The following MAP2K5 variants were observed in gnomAD, a reference collection of about 807,000 sequenced individuals.
MAP2K5 encodes mitogen-activated protein kinase kinase 5.
In MAP2K5, 49 loss-of-function variants were observed where a neutral mutation model predicts 83.1. The observed-to-expected ratio is 0.59, with a 90% CI of 0.47 to 0.75. The LOEUF (loss-of-function observed/expected upper bound fraction) is 0.75, where lower values mean the gene tolerates loss of function less well. Ranked by LOEUF, MAP2K5 falls within the 30% of genes least tolerant of loss-of-function variation. The pLI, the probability that MAP2K5 is intolerant of heterozygous loss-of-function variation, is 0.00. For missense variants in MAP2K5, 457 were observed against 557.5 expected, an observed-to-expected ratio of 0.82 and a Z score of 1.82; for synonymous variants, 202 against 191.8, an observed-to-expected ratio of 1.05 and a Z score of -0.44.
intron 8 of MAP2K5, chr15:67,628,387 G>A (rs982528374): frequency 1.2e-4 from 63 of 535,330 alleles, no homozygotes; most frequent in Admixed American, 1.6e-4. Flanking sequence ...GGCTGAGGCA[G>A]GAGCATTGCT....
intron 13 of MAP2K5, among the ~76,000 whole-genome samples, chr15:67,671,800 T>A (rs2087544646): frequency 1.4e-5 from 2 of 139,190 alleles, no homozygotes; most frequent in African/African-American, 2.7e-5. Flanking sequence ...CTCCTAATGC[T>A]ATCCCTCCCC....
At chr15:67,616,792 A>G (rs1357486499) in intron 8 of MAP2K5, among the ~76,000 whole-genome samples, 1 of 152,164 alleles carries the variant, frequency 6.6e-6, no homozygotes, top group African/African-American at 2.4e-5. Flanking sequence ...CTTGAGCCAA[A>G]TCCTAACCAT....
intron 17 of MAP2K5, among the ~76,000 whole-genome samples, chr15:67,745,275 A>C (rs1464630020): frequency 6.6e-6 from 1 of 152,222 alleles, no homozygotes; most frequent in Admixed American, 6.5e-5. Flanking sequence ...ATCAGCCCTA[A>C]CAATATTATT....
At chr15:67,585,633 C>A (rs745638920) in intron 4 of MAP2K5, 3 of 433,332 alleles carry the variant, frequency 6.9e-6, no homozygotes, top group South Asian at 3.1e-5. Flanking sequence ...GCTCAGTTAA[C>A]TTGATTTTTA....
intron 17 of MAP2K5, among the ~76,000 whole-genome samples, chr15:67,740,012 A>G (rs1450096950): frequency 7.2e-5 from 11 of 152,192 alleles, no homozygotes; most frequent in East Asian, 1.9e-4. Context: ...TTAGAAATCT[A>G]TAGAACCCTG....
intron 14 of MAP2K5, 46 bp downstream of exon 14, chr15:67,692,598 C>T: frequency 7.0e-7 from 1 of 1,422,874 alleles, no homozygotes; most frequent in Non-Finnish European, 9.9e-7. Context: ...TGCAACAACC[C>T]CTTTATATTT....
At position 67,745,054 on chromosome 15, in the gene MAP2K5, A is replaced by G. The variant is rs28414444; in HGVS notation, c.1075-3177A>G. Among the ~76,000 whole-genome samples the G allele has an allele frequency of 5.9e-3, 893 of 152,308 alleles. 14 individuals carry two copies. Among genetic ancestry groups the G allele is most frequent in the African/African-American group, 0.02 (833 of 41,574 alleles). On this transcript the variant is annotated intron_variant, in intron 17 of 21. Coordinates refer to ENST00000178640, the MANE Select transcript of MAP2K5 (RefSeq NM_145160.3). ...AGAAAAAAAAAAATCTATGCCCAGA[A>G]AAGGGAAGAGGTTCATCTATCAAAA...
chr15:67,672,690 C>T (rs1424950762), intron 13 of MAP2K5, among the ~76,000 whole-genome samples: 2,411 of 145,170 alleles, frequency 0.017, 56 homozygotes, highest in African/African-American at 0.059. Flanking sequence ...TCAATTTTGG[C>T]TTTTGTTGCC....
intron 3 of MAP2K5, among the ~76,000 whole-genome samples, chr15:67,580,242 T>C (rs770276134): frequency 3.3e-5 from 5 of 152,236 alleles, no homozygotes; most frequent in Non-Finnish European, 5.9e-5. Context: ...CTTTTTATCA[T>C]GTTAATCCTG....
chr15:67,614,648 A>G (rs1567310593), intron 8 of MAP2K5, among the ~76,000 whole-genome samples: 2 of 152,208 alleles, frequency 1.3e-5, no homozygotes, highest in Non-Finnish European at 2.9e-5. Flanking sequence ...TATTTAGACC[A>G]TATATTAAAA....
chr15:67,709,819 C>A (rs1055785977), intron 16 of MAP2K5, among the ~76,000 whole-genome samples: 1 of 152,148 alleles, frequency 6.6e-6, no homozygotes, highest in Non-Finnish European at 1.5e-5. Flanking sequence ...ATACATTCTC[C>A]GCTAGCCTTG....
At chr15:67,682,505 G>A (rs1181399180) in intron 13 of MAP2K5, among the ~76,000 whole-genome samples, 2 of 151,130 alleles carry the variant, frequency 1.3e-5, no homozygotes, top group African/African-American at 2.4e-5. Context: ...TTACAGGTGT[G>A]AGCCACTGCG....
intron 13 of MAP2K5, among the ~76,000 whole-genome samples, chr15:67,682,894 C>T (rs1180549933): frequency 6.6e-6 from 1 of 151,458 alleles, no homozygotes; most frequent in Non-Finnish European, 1.5e-5. Context: ...AATCCCAGCA[C>T]TTTGGGAGGC....
At chr15:67,800,004 G>A (rs1372313913) in intron 21 of MAP2K5, among the ~76,000 whole-genome samples, 2 of 152,134 alleles carry the variant, frequency 1.3e-5, no homozygotes, top group African/African-American at 4.8e-5. Context: ...CACTTATCAG[G>A]TCCTCTCCTT....
intron 8 of MAP2K5, among the ~76,000 whole-genome samples, chr15:67,603,204 A>T (rs907811051): frequency 1.3e-5 from 2 of 152,224 alleles, no homozygotes; most frequent in Admixed American, 6.5e-5. Context: ...TGTGTAATCG[A>T]AACTCTGCAC....
chr15:67,590,446 C>CTCTCTCTCTCT (rs1555529574), intron 6 of MAP2K5, among the ~76,000 whole-genome samples: 7 of 30,554 alleles, frequency 2.3e-4, no homozygotes, highest in African/African-American at 5.9e-4. Context: ...TCCCTCCCTC[C>CTCTCTCTCTCT]CTCTCTCTCT....
chr15:67,691,083 A>G (rs896703342), intron 13 of MAP2K5, among the ~76,000 whole-genome samples: 3 of 152,228 alleles, frequency 2.0e-5, no homozygotes, highest in African/African-American at 7.2e-5. Context: ...GACAGGCTCT[A>G]CAGTTCACCC....
At chr15:67,691,917 A>T (rs2088124071) in intron 13 of MAP2K5, among the ~76,000 whole-genome samples, 1 of 152,244 alleles carries the variant, frequency 6.6e-6, no homozygotes, top group African/African-American at 2.4e-5. Context: ...ATAAATTTCT[A>T]AGTATTATCT....
chr15:67,549,206 G>GC, intron 1 of MAP2K5: 1 of 1,535,040 alleles, frequency 6.5e-7, no homozygotes, highest in South Asian at 1.2e-5. Context: ...TTTCCCCAGA[G>GC]CGTAGGTGTT....
Sources: allele counts gnomAD v4.1 joint callset (sites outside exome capture counted in the v4.1 genomes callset), GRCh38; gene constraint gnomAD v4.1.1; transcripts MANE v1.5; gene names NCBI Gene and HGNC (gene_info 2026-07-23, HGNC 2026-07-21).